The following TBCCD1 variants were observed in gnomAD, a reference collection of about 807,000 sequenced individuals.
The protein encoded by TBCCD1 is TBCC domain containing 1.
TBCCD1 carries 26 observed loss-of-function variants against 53.4 expected under a neutral mutation model. The ratio of observed to expected loss-of-function variants is 0.49; its 90% CI spans 0.36 to 0.68. TBCCD1 has a LOEUF of 0.68. Among genes scored for constraint, TBCCD1 ranks in the 30% least tolerant of loss-of-function variants. The pLI is 0.00. For missense variants in TBCCD1, 558 were observed against 669.5 expected, an observed-to-expected ratio of 0.83 and a Z score of 1.84; for synonymous variants, 245 against 241.7, an observed-to-expected ratio of 1.01 and a Z score of -0.13.
intron 3 of TBCCD1, 70 bp from the exon 4 acceptor site, chr3:186,556,845 A>T: frequency 2.0e-6 from 3 of 1,490,850 alleles, no homozygotes; most frequent in South Asian, 2.6e-5. Context: ...CTATATTTTA[A>T]TTATTTTGTA....
chr3:186,553,254 A>G (rs758035805), intron 6 of TBCCD1: 4 of 152,230 alleles, frequency 2.6e-5, no homozygotes, highest in Admixed American at 6.5e-5. Flanking sequence ...AGAGAATCTA[A>G]GCACTTCATC....
At position 186,564,068 on chromosome 3, in the gene TBCCD1, C is replaced by G; in HGVS notation, c.262G>C (p.Glu88Gln). ...ACCTCAGACCATTCCAGGCGCTCCT[C>G]AGGTGTCTTCATTGAAAGACTATCA... is the stretch of plus-strand genomic sequence containing the variant. ...IFDSLSMKTP[E>Q]ERLEWSEVLS... The change falls in exon 2 of 8, where the codon GAG (glutamate) becomes CAG (glutamine). Residue 88 changes from glutamate to glutamine, a missense_variant. By Grantham distance (29) the Glu-to-Gln change is conservative. Coordinates refer to ENST00000338733, the MANE Select transcript of TBCCD1 (RefSeq NM_018138.5). 6.2e-7 allele frequency: 1 copy of G among 1,614,190 alleles called. No homozygotes were observed. Among genetic ancestry groups the G allele is most frequent in the Non-Finnish European group, 8.5e-7 (1 of 1,180,044 alleles).
At chr3:186,549,955 G>A (rs374440523) in intron 7 of TBCCD1, among the ~76,000 whole-genome samples, 2 of 151,928 alleles carry the variant, frequency 1.3e-5, no homozygotes, top group Non-Finnish European at 2.9e-5. Context: ...GGCCAGTTCC[G>A]GTGGCTCACG....
At chr3:186,566,761 C>T (rs1420787994) in intron 1 of TBCCD1, among the ~76,000 whole-genome samples, 5 of 152,188 alleles carry the variant, frequency 3.3e-5, no homozygotes, top group Admixed American at 1.3e-4. Context: ...CGTGGAAGGG[C>T]AAAAGGCAGC....
chr3:186,551,435 C>T (rs1186052282), intron 6 of TBCCD1, among the ~76,000 whole-genome samples, 156 bp from the exon 7 acceptor site: 2 of 152,116 alleles, frequency 1.3e-5, no homozygotes, highest in African/African-American at 4.8e-5. Context: ...ACTGGACACC[C>T]CCACCCCACA....
rs1383400190 is a variant in TBCCD1, at chr3:186,564,347, C to G, written c.-18G>C. The G allele has an allele frequency of 2.5e-6, 4 of 1,572,748 alleles. No homozygotes were observed. Among genetic ancestry groups the G allele is most frequent in the Non-Finnish European group, 2.6e-6 (3 of 1,158,270 alleles). On this transcript the variant is annotated 5_prime_UTR_variant, in exon 2 of 8. Coordinates refer to ENST00000338733, the MANE Select transcript of TBCCD1 (RefSeq NM_018138.5). ...TGATCCATATTATCTCTAAGGACATCAGGGTGAAAAGGCTTCTTTGCATAC... is the reference window on the plus strand; with the variant it reads ...TGATCCATATTATCTCTAAGGACATGAGGGTGAAAAGGCTTCTTTGCATAC...
At chr3:186,548,452 T>C (rs891128810) in intron 7 of TBCCD1, among the ~76,000 whole-genome samples, 18 of 152,220 alleles carry the variant, frequency 1.2e-4, no homozygotes, top group African/African-American at 4.1e-4. Context: ...GTGGTGATAG[T>C]TGCACAAACT....
chr3:186,564,724 C>T (rs939783220), intron 1 of TBCCD1, among the ~76,000 whole-genome samples: 1 of 152,228 alleles, frequency 6.6e-6, no homozygotes, highest in East Asian at 1.9e-4. Flanking sequence ...AGGGGGAACA[C>T]TGTTCAAAAT....
chr3:186,564,514 GAGC>G, intron 1 of TBCCD1, 142 bp from the exon 2 acceptor site: 1 of 550,016 alleles, frequency 1.8e-6, no homozygotes, highest in South Asian at 3.0e-5. Flanking sequence ...CACCAACCAA[GAGC>G]AGAACAGTTT....
chr3:186,554,714 C>A lies in TBCCD1; in HGVS notation c.1084G>T (p.Val362Phe). Residue 362 changes from valine (V) to phenylalanine (F), a missense_variant, in exon 6 of 8, where the codon GTC becomes TTC. Val to Phe is a conservative substitution (Grantham distance 50). Transcript: ENST00000338733. Reference protein sequence around the residue: ...TIEKCRNSIFVLGPVGTTLHL... With the variant: ...TIEKCRNSIFFLGPVGTTLHL... ...AGTGTAGTCCCTACAGGGCCCAAGACAAAGATGCTATTCCTGCACTTCTCA... is the reference window on the plus strand; with the variant it reads ...AGTGTAGTCCCTACAGGGCCCAAGAAAAAGATGCTATTCCTGCACTTCTCA... 1 of 1,613,992 alleles carries A rather than the reference C, an allele frequency of 6.2e-7. No individual in the cohort carries two copies. Among genetic ancestry groups the A allele is most frequent in the Non-Finnish European group, 8.5e-7 (1 of 1,179,992 alleles).
At chr3:186,570,479 A>C, upstream of TBCCD1, 2 of 478,798 alleles carry the variant, frequency 4.2e-6, no homozygotes, top group Non-Finnish European at 7.3e-6. Flanking sequence ...ATCATTACGT[A>C]ATTTTCTACG....
intron 1 of TBCCD1, among the ~76,000 whole-genome samples, chr3:186,566,321 G>A (rs377084814): frequency 3.3e-5 from 5 of 152,146 alleles, no homozygotes; most frequent in East Asian, 3.8e-4. Flanking sequence ...GATTACAGGC[G>A]TGACCCACCG....
At chr3:186,565,921 T>C (rs536479946) in intron 1 of TBCCD1, among the ~76,000 whole-genome samples, 1 of 152,250 alleles carries the variant, frequency 6.6e-6, no homozygotes, top group Non-Finnish European at 1.5e-5. Context: ...TCCTCAACAT[T>C]AGCAACATCA....
At chr3:186,565,619 T>C (rs1405636577) in intron 1 of TBCCD1, among the ~76,000 whole-genome samples, 4 of 152,342 alleles carry the variant, frequency 2.6e-5, no homozygotes, top group African/African-American at 4.8e-5. Context: ...CTGATCATTA[T>C]TGAAGTGGGG....
chr3:186,563,204 G>A (rs1388167130), intron 2 of TBCCD1, among the ~76,000 whole-genome samples: 1 of 152,184 alleles, frequency 6.6e-6, no homozygotes, highest in Non-Finnish European at 1.5e-5. Flanking sequence ...GCCTGAATGA[G>A]AAATAAACTG....
At chr3:186,566,041 C>CTTTTTTTT (rs1178917141) in intron 1 of TBCCD1, among the ~76,000 whole-genome samples, 59 of 144,738 alleles carry the variant, frequency 4.1e-4, no homozygotes, top group African/African-American at 1.3e-3. Context: ...GTGCTTCTCT[C>CTTTTTTTT]TTTTTTTTTT....
At chr3:186,557,442 G>A (rs1325059490) in intron 3 of TBCCD1, among the ~76,000 whole-genome samples, 2 of 152,142 alleles carry the variant, frequency 1.3e-5, no homozygotes, top group South Asian at 2.1e-4. Context: ...GGAGAGAGAG[G>A]TAGTGACTGG....
chr3:186,558,273 T>C (rs1287150362), intron 3 of TBCCD1, 144 bp downstream of exon 3: 1 of 1,061,790 alleles, frequency 9.4e-7, no homozygotes, highest in Non-Finnish European at 1.4e-6. Flanking sequence ...TTTTGTTTTA[T>C]AATTTAAAAA....
At position 186,554,316 on chromosome 3, in the gene TBCCD1, C is replaced by G; in HGVS notation, c.1482G>C (p.Leu494=). ...GGLPSVYQKA[L]GQREQKIQIW... is the part of the protein sequence containing the mutation. ...TCTGTATCTTCTGTTCTCTTTGACC[C>G]AGTGCTTTCTGATATACAGATGGAA... The change falls in exon 6 of 8, where the codon CTG becomes CTC. Residue 494 remains leucine, a synonymous_variant. Transcript: ENST00000338733. 6.2e-7 allele frequency: 1 copy of G among 1,614,164 alleles called. No individual in the cohort carries two copies. The highest frequency in any genetic ancestry group is 8.5e-7 in the Non-Finnish European group (1 of 1,180,034).
Sources: allele counts gnomAD v4.1 joint callset (sites outside exome capture counted in the v4.1 genomes callset), GRCh38; gene constraint gnomAD v4.1.1; transcripts MANE v1.5; gene names NCBI Gene and HGNC (gene_info 2026-07-23, HGNC 2026-07-21).